ZNF891: variants seen among roughly 807,000 people sequenced by gnomAD.
ZNF891 encodes the protein zinc finger protein 891.
For synonymous variants in ZNF891, 199 were observed against 209.0 expected (o/e 0.95, Z 0.41); for missense variants, 589 against 632.7 (o/e 0.93, Z 0.74).
rs1337856299 is a variant in ZNF891, at chr12:133,116,727, C to T, written c.*3557G>A. On this transcript the variant is annotated 3_prime_UTR_variant, in exon 2 of 2. Coordinates refer to ENST00000537226, the MANE Select transcript of ZNF891 (RefSeq NM_001277291.2). ...CTTCTGGAGACTCTTTCATGGTGCCCTCTGAGATTCCCTTAATAAACTCCC... is the reference window on the plus strand; with the variant it reads ...CTTCTGGAGACTCTTTCATGGTGCCTTCTGAGATTCCCTTAATAAACTCCC... 1 of 152,238 alleles carries T rather than the reference C, an allele frequency of 6.6e-6. No homozygotes were observed. The highest frequency in any genetic ancestry group is 6.5e-5 in the Admixed American group (1 of 15,282). The allele number at this position is 152,238 out of a possible 1,614,324, so 9.4% of individuals were successfully genotyped here.
Position 133,115,589 on chromosome 12 carries a change from TTTA to T in ZNF891, c.*4692_*4694del, listed in dbSNP as rs1380287229. 2.0e-5 allele frequency: 3 copies of T among 152,072 alleles called. No homozygotes were observed. Among genetic ancestry groups the T allele is most frequent in the Admixed American group, 1.3e-4 (2 of 15,248 alleles). The allele number at this position is 152,072 out of a possible 1,614,324, so 9.4% of individuals were successfully genotyped here. ...TGTTTTCTCCTATGCATGTATTAGTTTTATTATTAAAAACCACAAAGTTTTTGT... is the reference window on the plus strand; with the variant it reads ...TGTTTTCTCCTATGCATGTATTAGTTTTATTAAAAACCACAAAGTTTTTGT... On this transcript the variant is annotated 3_prime_UTR_variant, in exon 2 of 2. Transcript: ENST00000537226.
Position 133,108,870 on chromosome 12 carries a change from T to C in ZNF891, c.*11414A>G, listed in dbSNP as rs907758987. 1.3e-5 allele frequency: 2 copies of C among 152,228 alleles called. No homozygotes were observed. The highest frequency in any genetic ancestry group is 2.9e-5 in the Non-Finnish European group (2 of 68,032). The allele number at this position is 152,228 out of a possible 1,614,324, so 9.4% of individuals were successfully genotyped here. On this transcript the variant is annotated 3_prime_UTR_variant, in exon 2 of 2. Coordinates refer to ENST00000537226, the MANE Select transcript of ZNF891 (RefSeq NM_001277291.2). ...TCAAACCTATATCAGAGAATTACACTGTGGGAAAACTACCATTGTAATAAG... is the reference window on the plus strand; with the variant it reads ...TCAAACCTATATCAGAGAATTACACCGTGGGAAAACTACCATTGTAATAAG...
chr12:133,121,314 G>T lies in ZNF891; in HGVS notation c.605C>A (p.Ser202Ter). ...AATGCTCTGTGAAAAAATAAGTTTT[G>T]ATCCAAGTTTAGAGTTTTCCTCTAA... Reference protein sequence around the residue: ...HELEENSKLGSKLIFSQSIFT... With the variant: ...HELEENSKLG Residue 202 changes from serine to a stop codon, truncating the protein, a stop_gained, in exon 2 of 2, where the codon TCA (serine) becomes TAA (stop). Transcript: ENST00000537226. LOFTEE classifies it low-confidence loss of function (END_TRUNC). The T allele has an allele frequency of 1.3e-6, 2 of 1,535,550 alleles. No individual in the cohort carries two copies. Among genetic ancestry groups the T allele is most frequent in the Non-Finnish European group, 1.7e-6 (2 of 1,146,656 alleles).
intron 1 of ZNF891, among the ~76,000 whole-genome samples, chr12:133,127,717 G>A (rs552904658): frequency 2.2e-4 from 34 of 152,288 alleles, no homozygotes; most frequent in African/African-American, 7.5e-4. Flanking sequence ...AATTGATGAG[G>A]GCAAAAGGGA....
chr12:133,109,490 CTT>C lies in ZNF891; in HGVS notation c.*10792_*10793del, dbSNP rs1955664981. The C allele has an allele frequency of 6.7e-6, 1 of 150,138 alleles. No homozygotes were observed. The highest frequency in any genetic ancestry group is 1.5e-5 in the Non-Finnish European group (1 of 67,990). The allele number at this position is 150,138 out of a possible 1,614,324, so 9.3% of individuals were successfully genotyped here. ...TTGACATATGGTTGAAGCCAGTTCA[CTT>C]AAATATTCTCAAGTTCACTTAAATA... On this transcript the variant is annotated 3_prime_UTR_variant, in exon 2 of 2. Coordinates refer to ENST00000537226, the MANE Select transcript of ZNF891 (RefSeq NM_001277291.2).
intron 1 of ZNF891, among the ~76,000 whole-genome samples, chr12:133,123,133 A>T (rs1046408949): frequency 6.6e-6 from 1 of 152,212 alleles, no homozygotes; most frequent in East Asian, 1.9e-4. Context: ...AATAGAACTC[A>T]GTTTTAATGG....
chr12:133,126,123 G>A (rs1448239569), intron 1 of ZNF891, among the ~76,000 whole-genome samples: 1 of 151,990 alleles, frequency 6.6e-6, no homozygotes, highest in Non-Finnish European at 1.5e-5. Flanking sequence ...CAACTCTATG[G>A]ATTTTTTTTA....
chr12:133,122,106 T>C, intron 1 of ZNF891, 82 bp from the exon 2 acceptor site: 1 of 1,373,698 alleles, frequency 7.3e-7, no homozygotes, highest in South Asian at 1.8e-5. Flanking sequence ...TACAAAATTG[T>C]AGACCCTCCC....
In ZNF891 at chr12:133,117,469, T is replaced by A. The variant is rs1246772026; in HGVS notation, c.*2815A>T. On this transcript the variant is annotated 3_prime_UTR_variant, in exon 2 of 2. Coordinates refer to ENST00000537226, the MANE Select transcript of ZNF891 (RefSeq NM_001277291.2). ...AGTTAGGTGTAAATAAATAAACAAG[T>A]AATTTAAACCAACCCACCCATTTTT... 1 of 152,204 alleles carries A rather than the reference T, an allele frequency of 6.6e-6. No individual in the cohort carries two copies. The highest frequency in any genetic ancestry group is 1.9e-4 in the East Asian group (1 of 5,198). 9.4% of individuals were successfully genotyped at this position (152,204 alleles called of 1,614,324 possible).
Position 133,121,068 on chromosome 12 carries a change from G to C in ZNF891, c.851C>G (p.Pro284Arg). ...ATTCTGTGCCATATGCAAATTGTTAGGTACAGGAAACATATTATGTGTGAA... is the reference window on the plus strand; with the variant it reads ...ATTCTGTGCCATATGCAAATTGTTACGTACAGGAAACATATTATGTGTGAA... ...MHFTHNMFPV[P>R]NNLHMAQNAC... Residue 284 changes from proline (P) to arginine (R), a missense_variant, in exon 2 of 2, where the codon CCT becomes CGT. By Grantham distance (103) the Pro-to-Arg change is moderately radical. Transcript: ENST00000537226. 1 of 1,535,600 alleles carries C rather than the reference G, an allele frequency of 6.5e-7. No homozygotes were observed. The highest frequency in any genetic ancestry group is 1.2e-5 in the South Asian group (1 of 84,054).
In ZNF891 at chr12:133,120,617, GCATT is replaced by G; in HGVS notation, c.1298_1301del (p.Glu433AlafsTer46). 6.4e-7 allele frequency: 1 copy of G among 1,560,386 alleles called. No individual in the cohort carries two copies. On this transcript the variant is annotated frameshift_variant, in exon 2 of 2. Coordinates refer to ENST00000537226, the MANE Select transcript of ZNF891 (RefSeq NM_001277291.2). LOFTEE classifies it low-confidence loss of function (END_TRUNC). ...TGTTGAAGGCTTTTCCACACTCACT[GCATT>G]CATAGAGTTTTTCTCCAGTGTGTAT...
chr12:133,105,700 A>C lies in ZNF891; in HGVS notation c.*14584T>G, dbSNP rs955312078. ...ATCAGGGATGTATTAGGAAAGTAAC[A>C]GTCTCTCATCAAGAAGCCCTGGCTC... is the stretch of plus-strand genomic sequence containing the variant. On this transcript the variant is annotated 3_prime_UTR_variant, in exon 2 of 2. Transcript: ENST00000537226. The C allele has an allele frequency of 4.0e-5, 64 of 1,614,102 alleles. No homozygotes were observed. The highest frequency in any genetic ancestry group is 5.3e-5 in the Non-Finnish European group (63 of 1,180,038).
chr12:133,122,219 T>G (rs1955770514), intron 1 of ZNF891, 195 bp from the exon 2 acceptor site: 1 of 1,062,190 alleles, frequency 9.4e-7, no homozygotes, highest in African/African-American at 1.7e-5. Context: ...GCCATCCTGA[T>G]TCTTTGTACT....
chr12:133,123,634 G>C (rs1387399873), intron 1 of ZNF891, among the ~76,000 whole-genome samples: 6 of 151,948 alleles, frequency 3.9e-5, no homozygotes, highest in South Asian at 2.1e-4. Flanking sequence ...CTTGAGCCCA[G>C]GAGGTTGAGA....
At position 133,120,533 on chromosome 12, in the gene ZNF891, G is replaced by A. The variant is rs1444466225; in HGVS notation, c.1386C>T (p.Cys462=). 1 of 1,571,174 alleles carries A rather than the reference G, an allele frequency of 6.4e-7. No homozygotes were observed. The highest frequency in any genetic ancestry group is 1.4e-5 in the African/African-American group (1 of 73,458). The change falls in exon 2 of 2, where the codon TGC becomes TGT. Residue 462 remains cysteine (C), a synonymous_variant. Coordinates refer to ENST00000537226, the MANE Select transcript of ZNF891 (RefSeq NM_001277291.2). ...CACTGAAAACTTTCCCACAGTCACT[G>A]CATTCATAAACATTCTCTCCGGTAT... ...KIHTGENVYE[C]SDCGKVFSGV... is the part of the protein sequence containing the mutation.
In ZNF891 at chr12:133,106,084, A is replaced by G; in HGVS notation, c.*14200T>C. The G allele has an allele frequency of 6.2e-7, 1 of 1,614,132 alleles. No homozygotes were observed. ...CTCGACATCAAAGAATTCACATAGG[A>G]AAGAAACAATATATATGTAGGAAAT... is the stretch of plus-strand genomic sequence containing the variant. On this transcript the variant is annotated 3_prime_UTR_variant, in exon 2 of 2. Coordinates refer to ENST00000537226, the MANE Select transcript of ZNF891 (RefSeq NM_001277291.2).
rs1566328522 is a variant in ZNF891, at chr12:133,106,798, A to AG, written c.*13485dup. Reference sequence around the variant, plus strand: ...GCCCACACTTTATTCACCACCCTGGAGAAAAAAAAACCCAGGAATATGTGG... The same window carrying AG: ...GCCCACACTTTATTCACCACCCTGGAGGAAAAAAAAACCCAGGAATATGTGG... On this transcript the variant is annotated 3_prime_UTR_variant, in exon 2 of 2. Transcript: ENST00000537226. 2 of 654,162 alleles carry AG rather than the reference A, an allele frequency of 3.1e-6. No homozygotes were observed. Among genetic ancestry groups the AG allele is most frequent in the Admixed American group, 3.7e-5 (1 of 26,842 alleles). 40.5% of individuals were successfully genotyped at this position (654,162 alleles called of 1,614,324 possible). A position where few individuals can be genotyped will look rare whatever the true frequency, so the allele number is the denominator to read the frequency against.
intron 1 of ZNF891, among the ~76,000 whole-genome samples, chr12:133,124,496 T>A (rs538868207): frequency 6.6e-6 from 1 of 152,158 alleles, no homozygotes; most frequent in Non-Finnish European, 1.5e-5. Context: ...GAATACATTT[T>A]AAAAATACAT....
At position 133,112,430 on chromosome 12, in the gene ZNF891, TC is replaced by T. The variant is rs1366742833; in HGVS notation, c.*7853del. ...TCCGCCTCCTGGGTTCAAGTGATTC[TC>T]CTGCCTCAGCCTCCCAGTAGCTGGG... On this transcript the variant is annotated 3_prime_UTR_variant, in exon 2 of 2. Transcript: ENST00000537226. 6.5e-6 allele frequency: 1 copy of T among 152,678 alleles called. No homozygotes were observed. The highest frequency in any genetic ancestry group is 1.5e-5 in the Non-Finnish European group (1 of 68,474). 9.5% of individuals were successfully genotyped at this position (152,678 alleles called of 1,614,324 possible).
Sources: allele counts gnomAD v4.1 joint callset (sites outside exome capture counted in the v4.1 genomes callset), GRCh38; gene constraint gnomAD v4.1.1; transcripts MANE v1.5; gene names NCBI Gene and HGNC (gene_info 2026-07-23, HGNC 2026-07-21).